Variants in TBC1D22A observed in about 807,000 individuals in gnomAD.
TBC1D22A encodes the protein putative GTPase activator.
Under a neutral mutation model 60.2 loss-of-function variants are expected in TBC1D22A, and 38 were observed. The ratio of observed to expected loss-of-function variants is 0.63; its 90% CI spans 0.49 to 0.83. The LOEUF (loss-of-function observed/expected upper bound fraction) is 0.83, where lower values mean the gene tolerates loss of function less well. Ranked by LOEUF, TBC1D22A falls within the 40% of genes least tolerant of loss-of-function variation. The pLI is 0.00. For synonymous variants in TBC1D22A, 302 were observed against 281.7 expected, an observed-to-expected ratio of 1.07 and a Z score of -0.72; for missense variants, 628 against 701.0, an observed-to-expected ratio of 0.90 and a Z score of 1.18.
intron 4 of TBC1D22A, among the ~76,000 whole-genome samples, chr22:46,877,001 T>C (rs1348764710): frequency 6.6e-6 from 1 of 152,250 alleles, no homozygotes. Context: ...AATATCCTGC[T>C]GCTGTGCTTT....
intron 8 of TBC1D22A, among the ~76,000 whole-genome samples, chr22:46,943,476 G>A (rs2072307554): frequency 6.6e-6 from 1 of 152,238 alleles, no homozygotes; most frequent in Admixed American, 6.5e-5. Context: ...ACAGAGTAGC[G>A]GCATGGGCTG....
chr22:47,064,482 T>G (rs1002933255), intron 11 of TBC1D22A, among the ~76,000 whole-genome samples: 4 of 152,266 alleles, frequency 2.6e-5, no homozygotes, highest in Non-Finnish European at 4.4e-5. Context: ...GGTATTTTAT[T>G]TTAAGTACAG....
In TBC1D22A at chr22:46,953,093, C is replaced by T. The variant is rs376096116; in HGVS notation, c.1016-21197C>T. Among the ~76,000 whole-genome samples the T allele has an allele frequency of 1.4e-4, 22 of 152,248 alleles. 1 individual carries two copies. Among genetic ancestry groups the T allele is most frequent in the South Asian group, 2.1e-4 (1 of 4,828 alleles). On this transcript the variant is annotated intron_variant, in intron 8 of 12. Transcript: ENST00000337137. Reference sequence around the variant, plus strand: ...AACGGGTGGGGGTCATACTTCACTTCCTTGAGGGGAGAGCATGTTCAGAAA... The same window carrying T: ...AACGGGTGGGGGTCATACTTCACTTTCTTGAGGGGAGAGCATGTTCAGAAA...
intron 10 of TBC1D22A, among the ~76,000 whole-genome samples, chr22:47,032,179 C>G (rs922513384): frequency 6.6e-6 from 1 of 152,176 alleles, no homozygotes; most frequent in Non-Finnish European, 1.5e-5. Flanking sequence ...GCGTGTGACT[C>G]TGTGGTGTGC....
intron 11 of TBC1D22A, among the ~76,000 whole-genome samples, chr22:47,083,122 C>T (rs1265264437): frequency 1.3e-5 from 2 of 152,158 alleles, no homozygotes; most frequent in African/African-American, 2.4e-5. Flanking sequence ...GAAAACTAAT[C>T]AAGAGTAATA....
intron 4 of TBC1D22A, among the ~76,000 whole-genome samples, chr22:46,856,186 G>A (rs1031739314): frequency 1.3e-5 from 2 of 152,218 alleles, no homozygotes; most frequent in African/African-American, 2.4e-5. Flanking sequence ...GGCCCTACCC[G>A]AAGTGTGGAT....
intron 11 of TBC1D22A, among the ~76,000 whole-genome samples, chr22:47,073,224 C>T (rs984514455): frequency 8.5e-5 from 13 of 152,164 alleles, no homozygotes; most frequent in African/African-American, 2.7e-4. Context: ...AAGAGGAAAT[C>T]GTGTACTTTG....
chr22:46,976,642 T>G (rs1356629191), intron 9 of TBC1D22A, among the ~76,000 whole-genome samples: 3 of 152,206 alleles, frequency 2.0e-5, no homozygotes, highest in Non-Finnish European at 2.9e-5. Flanking sequence ...TCTTACTGTC[T>G]CCATTTCATT....
At chr22:47,108,227 A>G (rs1416956128) in intron 11 of TBC1D22A, among the ~76,000 whole-genome samples, 3 of 152,248 alleles carry the variant, frequency 2.0e-5, no homozygotes, top group Admixed American at 6.5e-5. Context: ...ATGAAAGCCT[A>G]TGTCCATTCA....
chr22:46,875,510 A>G (rs131866), intron 4 of TBC1D22A, among the ~76,000 whole-genome samples: 112,485 of 151,778 alleles, frequency 0.74, 41,894 homozygotes, highest in Middle Eastern at 0.88. Context: ...GCGGTGCAGT[A>G]GCGTGATCTC....
intron 4 of TBC1D22A, among the ~76,000 whole-genome samples, chr22:46,863,226 T>C (rs2147368188): frequency 6.6e-6 from 1 of 152,284 alleles, no homozygotes; most frequent in Middle Eastern, 3.4e-3. Context: ...GAGGTGGCTC[T>C]CCAGGTGGTC....
chr22:46,792,746 C>A, intron 2 of TBC1D22A, 170 bp downstream of exon 2: 1 of 1,495,410 alleles, frequency 6.7e-7, no homozygotes, highest in Non-Finnish European at 8.9e-7. Context: ...ACTGTGCACC[C>A]CGTGCTGCGC....
intron 7 of TBC1D22A, among the ~76,000 whole-genome samples, chr22:46,895,395 CAA>C (rs2068620128): frequency 6.6e-6 from 1 of 152,012 alleles, no homozygotes; most frequent in Non-Finnish European, 1.5e-5. Context: ...TATTTAGAGA[CAA>C]GAGTCTTGCT....
chr22:46,921,168 A>G (rs2070735204), intron 8 of TBC1D22A, among the ~76,000 whole-genome samples: 2 of 152,156 alleles, frequency 1.3e-5, no homozygotes, highest in Non-Finnish European at 2.9e-5. Flanking sequence ...GGTTTGGTGT[A>G]CAGATTATTT....
intron 9 of TBC1D22A, among the ~76,000 whole-genome samples, chr22:46,984,366 CAAAAAAAAAAAAAAAAAAAAAAAAAA>C (rs136119): frequency 2.5e-4 from 7 of 27,760 alleles, no homozygotes; most frequent in East Asian, 3.9e-3. Flanking sequence ...GACTCCATCT[CAAAAAAAAAAAAAAAAAAAAAAAAAA>C]AAAAAAAAAA....
chr22:46,920,780 ATT>A (rs11312752), intron 8 of TBC1D22A, among the ~76,000 whole-genome samples: 34 of 148,094 alleles, frequency 2.3e-4, no homozygotes, highest in African/African-American at 4.7e-4. Context: ...TTATTTATTC[ATT>A]TTTTTTTTTT....
At position 47,173,831 on chromosome 22, in the gene TBC1D22A, A is replaced by G. The variant is rs2147244954; in HGVS notation, c.*205A>G. On this transcript the variant is annotated 3_prime_UTR_variant, in exon 13 of 13. Coordinates refer to ENST00000337137, the MANE Select transcript of TBC1D22A (RefSeq NM_014346.5). ...GACAGCCTTTGTTTTCTGAGATACC[A>G]AAGAGAGCCAGGGGAGGGCCCCGGG... 3 of 822,508 alleles carry G rather than the reference A, an allele frequency of 3.6e-6. No homozygotes were observed. Among genetic ancestry groups the G allele is most frequent in the South Asian group, 3.8e-5 (2 of 53,044 alleles). The allele number at this position is 822,508 out of a possible 1,614,324, so 51.0% of individuals were successfully genotyped here. A position where few individuals can be genotyped will look rare whatever the true frequency, so the allele number is the denominator to read the frequency against.
At chr22:46,837,612 A>T (rs1335226117) in intron 4 of TBC1D22A, among the ~76,000 whole-genome samples, 1 of 152,232 alleles carries the variant, frequency 6.6e-6, no homozygotes, top group Non-Finnish European at 1.5e-5. Context: ...CGTGAACAAG[A>T]CACCCCTAAA....
intron 11 of TBC1D22A, among the ~76,000 whole-genome samples, chr22:47,063,385 CGGCCTCGTCCT>C (rs1318580889): frequency 2.0e-5 from 3 of 152,084 alleles, no homozygotes; most frequent in Non-Finnish European, 4.4e-5. Flanking sequence ...AAGTTAGGCC[CGGCCTCGTCCT>C]GGAGCCCCGT....
Sources: allele counts gnomAD v4.1 joint callset (sites outside exome capture counted in the v4.1 genomes callset), GRCh38; gene constraint gnomAD v4.1.1; transcripts MANE v1.5; gene names NCBI Gene and HGNC (gene_info 2026-07-23, HGNC 2026-07-21).